Variants in WNK1 observed in about 807,000 individuals in gnomAD.
The protein encoded by WNK1 is serine/threonine-protein kinase WNK1.
A neutral mutation model predicts 222.8 loss-of-function variants in WNK1; 38 were observed. The observed-to-expected ratio is 0.17, with a 90% CI of 0.13 to 0.22. The LOEUF is 0.22. WNK1 is among the 10% of genes least tolerant of loss of function. The pLI is 1.00. For missense variants in WNK1, 2,348 were observed against 2,918.4 expected (o/e 0.80, Z 4.50); for synonymous variants, 1,090 against 1,092.9 (o/e 1.00, Z 0.05).
At chr12:886,442 T>C (rs990034994) in intron 19 of WNK1, among the ~76,000 whole-genome samples, 1 of 152,256 alleles carries the variant, frequency 6.6e-6, no homozygotes, top group African/African-American at 2.4e-5. Context: ...CAGTTCATAG[T>C]CTTTGTTTCA....
chr12:908,063 C>T (rs368255542), intron 27 of WNK1, 29 bp downstream of exon 27: 41 of 1,611,370 alleles, frequency 2.5e-5, no homozygotes, highest in Non-Finnish European at 3.1e-5. Flanking sequence ...GCAGAGAATC[C>T]GTAACACACA....
chr12:836,346 C>G (rs745603517), intron 4 of WNK1, among the ~76,000 whole-genome samples: 1 of 151,960 alleles, frequency 6.6e-6, no homozygotes, highest in Non-Finnish European at 1.5e-5. Context: ...ACTAAGGTTG[C>G]GAAAAACAAA....
At chr12:771,054 G>A (rs1234893385) in intron 1 of WNK1, among the ~76,000 whole-genome samples, 1 of 152,102 alleles carries the variant, frequency 6.6e-6, no homozygotes, top group Non-Finnish European at 1.5e-5. Flanking sequence ...CTGGAGTGCA[G>A]TGGTGTGATC....
chr12:802,012 C>T (rs1305279498), intron 1 of WNK1, among the ~76,000 whole-genome samples: 1 of 152,126 alleles, frequency 6.6e-6, no homozygotes, highest in African/African-American at 2.4e-5. Flanking sequence ...CTTCCCCTCA[C>T]AGTTTTTCTG....
intron 4 of WNK1, among the ~76,000 whole-genome samples, chr12:852,784 T>C (rs998384541): frequency 5.3e-5 from 8 of 152,198 alleles, no homozygotes; most frequent in Admixed American, 5.2e-4. Flanking sequence ...TATGAGTACA[T>C]TTTAAAAACT....
At chr12:865,569 A>G (rs1044700392) in intron 8 of WNK1, among the ~76,000 whole-genome samples, 11 of 152,192 alleles carry the variant, frequency 7.2e-5, no homozygotes, top group Non-Finnish European at 4.4e-5. Context: ...GAGAGAGAAT[A>G]CCTATAATGT....
At position 884,144 on chromosome 12, in the gene WNK1, C is replaced by A; in HGVS notation, c.3745C>A (p.Gln1249Lys). The A allele has an allele frequency of 6.2e-7, 1 of 1,614,134 alleles. No individual in the cohort carries two copies. The highest frequency in any genetic ancestry group is 1.1e-5 in the South Asian group (1 of 91,074). ...AGGCATTCCTACCAGTTCTTTAACTCAAGTTGTTCATTCTGCGGGAAGGCG... is the reference window on the plus strand; with the variant it reads ...AGGCATTCCTACCAGTTCTTTAACTAAAGTTGTTCATTCTGCGGGAAGGCG... ...QIGIPTSSLTQVVHSAGRRFI... is the reference protein window; with the variant it reads ...QIGIPTSSLTKVVHSAGRRFI... Residue 1249 changes from glutamine (Q) to lysine (K), a missense_variant, in exon 18 of 28, where the codon CAA becomes AAA. Around this residue, in one of 13 missense-constraint regions of WNK1, gnomAD observed 1,144 missense variants for 1,273.6 expected, o/e 0.90. Transcript: ENST00000315939. The surrounding 1 kb of genome is among the most constrained non-coding windows in gnomAD (Gnocchi z 5.6).
In WNK1 at chr12:896,253, A is replaced by G. The variant is rs756493069; in HGVS notation, c.5766A>G (p.Pro1922=). The G allele has an allele frequency of 2.8e-5, 45 of 1,614,118 alleles. No individual in the cohort carries two copies. The highest frequency in any genetic ancestry group is 2.1e-4 in the African/African-American group (16 of 74,930). ...ITIPGISSDV[P]ESAHKTTASE... is the part of the protein sequence containing the mutation. ...TCCCTGGTATCTCTTCAGATGTGCC[A>G]GAGAGTGCCCACAAAACTACTGCCT... The change falls in exon 24 of 28, where the codon CCA becomes CCG. Residue 1922 remains proline, a synonymous_variant. Coordinates refer to ENST00000315939, the MANE Select transcript of WNK1 (RefSeq NM_018979.4).
chr12:861,452 A>G (rs1951211023), intron 7 of WNK1, 109 bp downstream of exon 7: 8 of 981,506 alleles, frequency 8.2e-6, no homozygotes, highest in Admixed American at 2.1e-5. Context: ...GAATCCTACT[A>G]TTATACAAAA....
At chr12:757,328 TTTTTTAA>T (rs1232048265) in intron 1 of WNK1, among the ~76,000 whole-genome samples, 3 of 106,314 alleles carry the variant, frequency 2.8e-5, no homozygotes, top group East Asian at 6.8e-4. Context: ...TTTTTTTTTT[TTTTTTAA>T]AAAAAAAAAG....
chr12:850,769 G>A (rs199834861), intron 4 of WNK1, among the ~76,000 whole-genome samples: 976 of 105,924 alleles, frequency 9.2e-3, no homozygotes, highest in South Asian at 0.02. Flanking sequence ...AAGGGATCCA[G>A]TTTCAGCTTT....
At chr12:875,451 A>G (rs1276562881) in intron 9 of WNK1, among the ~76,000 whole-genome samples, 1 of 152,240 alleles carries the variant, frequency 6.6e-6, no homozygotes, top group African/African-American at 2.4e-5. Flanking sequence ...GTAGTTAGAA[A>G]TGTTCATTGA....
intron 1 of WNK1, among the ~76,000 whole-genome samples, chr12:790,528 G>T (rs1439115594): frequency 2.0e-5 from 3 of 152,138 alleles, no homozygotes; most frequent in Admixed American, 2.0e-4. Flanking sequence ...CATTTTTAAG[G>T]ATAGTAAACA....
intron 26 of WNK1, chr12:901,650 C>CTT: frequency 7.8e-7 from 1 of 1,286,844 alleles, no homozygotes; most frequent in Non-Finnish European, 1.0e-6. Flanking sequence ...CTGCTTGGCT[C>CTT]TTTGTGTGTA....
In WNK1 at chr12:908,850, G is replaced by C; in HGVS notation, c.*58G>C. 2 of 1,322,110 alleles carry C rather than the reference G, an allele frequency of 1.5e-6. No homozygotes were observed. Among genetic ancestry groups the C allele is most frequent in the Non-Finnish European group, 2.2e-6 (2 of 922,940 alleles). 81.9% of individuals were successfully genotyped at this position (1,322,110 alleles called of 1,614,324 possible). A position where few individuals can be genotyped will look rare whatever the true frequency, so the allele number is the denominator to read the frequency against. On this transcript the variant is annotated 3_prime_UTR_variant, in exon 28 of 28. Transcript: ENST00000315939. ...CAGGAGATGGAATGCTGAGGGGGTGGGTGGGGGTGGGAAGTAGCCTATATA... is the reference window on the plus strand; with the variant it reads ...CAGGAGATGGAATGCTGAGGGGGTGCGTGGGGGTGGGAAGTAGCCTATATA...
intron 22 of WNK1, among the ~76,000 whole-genome samples, chr12:893,445 C>G (rs189521812): frequency 5.3e-5 from 8 of 152,222 alleles, no homozygotes; most frequent in African/African-American, 1.9e-4. Flanking sequence ...GCTCAATGTT[C>G]TACTAGCTGT....
chr12:827,481 A>C lies in WNK1; in HGVS notation c.1153+219A>C. The C allele has an allele frequency of 5.1e-6, 3 of 585,168 alleles. No individual in the cohort carries two copies. Among genetic ancestry groups the C allele is most frequent in the Non-Finnish European group, 6.1e-6 (2 of 329,408 alleles). The allele number at this position is 585,168 out of a possible 1,614,324, so 36.2% of individuals were successfully genotyped here. A position where few individuals can be genotyped will look rare whatever the true frequency, so the allele number is the denominator to read the frequency against. On this transcript the variant is annotated intron_variant, in intron 3 of 27. Transcript: ENST00000315939. This position sits in a 1 kb window ranked among gnomAD's most constrained non-coding sequence, Gnocchi z 4.6. ...TGGTAACATTACGTTACAAGAAATAAAGTGAACTTTGTTGATAAAACCTAA... is the reference window on the plus strand; with the variant it reads ...TGGTAACATTACGTTACAAGAAATACAGTGAACTTTGTTGATAAAACCTAA...
At chr12:757,350 GGA>G (rs1491171451) in intron 1 of WNK1, among the ~76,000 whole-genome samples, 13 of 19,592 alleles carry the variant, frequency 6.6e-4, no homozygotes, top group East Asian at 7.2e-3. Flanking sequence ...AAAAAGAGAC[GGA>G]GTCTTGCTCT....
chr12:755,093 C>T (rs559269257), intron 1 of WNK1, among the ~76,000 whole-genome samples: 1 of 152,272 alleles, frequency 6.6e-6, no homozygotes, highest in South Asian at 2.1e-4. Flanking sequence ...CCTTTTTTAA[C>T]CTCTAGTGGT....
Sources: allele counts gnomAD v4.1 joint callset (sites outside exome capture counted in the v4.1 genomes callset), GRCh38; gene constraint gnomAD v4.1.1; regional missense constraint gnomAD v4.1.1; non-coding constraint Gnocchi (gnomAD v3.1); transcripts MANE v1.5; gene names NCBI Gene and HGNC (gene_info 2026-07-23, HGNC 2026-07-21).